Variants in GALNTL6 observed in about 807,000 individuals in gnomAD.
GALNTL6 encodes the protein polypeptide N-acetylgalactosaminyltransferase like 6, also known as polypeptide N-acetylgalactosaminyltransferase-like 6.
GALNTL6 carries 46 observed loss-of-function variants against 73.7 expected under a neutral mutation model. The observed-to-expected ratio is 0.62, with a 90% CI of 0.49 to 0.80. The LOEUF is 0.80. Among genes scored for constraint, GALNTL6 ranks in the 30% least tolerant of loss-of-function variants. GALNTL6 has a pLI of 0.00. For missense variants in GALNTL6, 604 were observed against 755.0 expected (o/e 0.80, Z 2.34); for synonymous variants, 259 against 263.7 (o/e 0.98, Z 0.17).
At chr4:172,236,879 C>T (rs1737262931) in intron 3 of GALNTL6, among the ~76,000 whole-genome samples, 2 of 152,074 alleles carry the variant, frequency 1.3e-5, no homozygotes, top group African/African-American at 4.8e-5. Flanking sequence ...TACCCTTCAT[C>T]CTCATGTAGG....
At chr4:171,991,987 C>T (rs1417228915) in intron 2 of GALNTL6, among the ~76,000 whole-genome samples, 1 of 151,788 alleles carries the variant, frequency 6.6e-6, no homozygotes, top group Non-Finnish European at 1.5e-5. Context: ...TGAAGTGTAA[C>T]TAATCAACAA....
intron 5 of GALNTL6, among the ~76,000 whole-genome samples, chr4:172,741,340 G>A (rs186661016): frequency 1.3e-5 from 2 of 152,132 alleles, no homozygotes; most frequent in African/African-American, 2.4e-5. Flanking sequence ...TGTCATTGCC[G>A]GGACAATCTC....
At chr4:172,348,457 A>G in intron 4 of GALNTL6, 66 bp from the exon 5 acceptor site, 1 of 1,288,098 alleles carries the variant, frequency 7.8e-7, no homozygotes. Flanking sequence ...ATAATGAATA[A>G]ACAACAGAAT....
intron 7 of GALNTL6, among the ~76,000 whole-genome samples, chr4:172,854,006 AT>A (rs1743983974): frequency 6.6e-6 from 1 of 152,222 alleles, no homozygotes; most frequent in Non-Finnish European, 1.5e-5. Context: ...CTCTCCAGGC[AT>A]TCAAGATCCA....
rs552155587 is a variant in GALNTL6, at chr4:172,788,375, AATAG to A, written c.554-20975_554-20972del. On this transcript the variant is annotated intron_variant, in intron 5 of 12. Transcript: ENST00000506823. ...CTAGAGCAAGACCCTATCTCTAAAA[AATAG>A]ATAGATAGATGGGCCGGGCGCGGTG... Among the ~76,000 whole-genome samples, 1,189 of 152,196 alleles carry A rather than the reference AATAG, an allele frequency of 7.8e-3. 12 individuals carry two copies. The highest frequency in any genetic ancestry group is 0.026 in the African/African-American group (1,088 of 41,492).
At chr4:172,256,479 A>AT (rs1560992662) in intron 3 of GALNTL6, among the ~76,000 whole-genome samples, 2 of 151,482 alleles carry the variant, frequency 1.3e-5, no homozygotes, top group African/African-American at 4.8e-5. Context: ...GCAAATGTGT[A>AT]TAAAATCCAA....
intron 5 of GALNTL6, among the ~76,000 whole-genome samples, chr4:172,497,995 T>TC (rs1561111918): frequency 1.4e-5 from 2 of 147,314 alleles, no homozygotes; most frequent in African/African-American, 5.0e-5. Flanking sequence ...ACATTTCTTT[T>TC]TTTTTTGTTT....
At chr4:172,178,155 C>G (rs1238482529) in intron 2 of GALNTL6, among the ~76,000 whole-genome samples, 1 of 151,900 alleles carries the variant, frequency 6.6e-6, no homozygotes, top group Non-Finnish European at 1.5e-5. Context: ...GTTTTCTCAT[C>G]TGCTAATGAG....
rs142614211 is a variant in GALNTL6 at position 171,876,520 on chromosome 4, T to C, written c.138+61802T>C. The stretch of plus-strand genomic sequence containing the variant: ...GTTAGTTTTAAGAGTTGAAGTAACG[T>C]GTTAGCAAAGTTAGTGAAATTGCAG... On this transcript the variant is annotated intron_variant, in intron 2 of 12. Coordinates refer to ENST00000506823, the MANE Select transcript of GALNTL6 (RefSeq NM_001034845.3). Among the ~76,000 whole-genome samples, 90 of 152,340 alleles carry C rather than the reference T, an allele frequency of 5.9e-4. No homozygotes were observed. In the East Asian group the frequency reaches 8.7e-3, roughly 15 times the overall value.
chr4:172,269,131 C>T (rs1011675486), intron 3 of GALNTL6, among the ~76,000 whole-genome samples: 2 of 152,114 alleles, frequency 1.3e-5, no homozygotes, highest in Admixed American at 6.6e-5. Context: ...AATAAATTGC[C>T]TGCTCACCTA....
In GALNTL6 at chr4:172,798,843, G is replaced by C. The variant is rs188231451; in HGVS notation, c.554-10518G>C. ...ATTTTTCCTCTAAAGGCTTTAGAGA[G>C]AAAAATCATAAATATACTGGTTCTT... is the stretch of plus-strand genomic sequence containing the variant. On this transcript the variant is annotated intron_variant, in intron 5 of 12. Transcript: ENST00000506823. Among the ~76,000 whole-genome samples the C allele has an allele frequency of 4.4e-4, 67 of 152,304 alleles. 1 individual carries two copies. The highest frequency in any genetic ancestry group is 2.9e-3 in the Admixed American group (44 of 15,290).
intron 3 of GALNTL6, among the ~76,000 whole-genome samples, chr4:172,267,616 G>A (rs2111049528): frequency 6.6e-6 from 1 of 152,150 alleles, no homozygotes; most frequent in South Asian, 2.1e-4. Context: ...CTGTGAATAA[G>A]GTTAACAAAT....
chr4:173,020,376 A>G (rs1279133921), intron 11 of GALNTL6, among the ~76,000 whole-genome samples: 2 of 152,228 alleles, frequency 1.3e-5, no homozygotes, highest in Non-Finnish European at 2.9e-5. Context: ...GGGATACATA[A>G]TAGAATTGGA....
chr4:172,902,973 G>A (rs899962998), intron 8 of GALNTL6, among the ~76,000 whole-genome samples: 5 of 152,072 alleles, frequency 3.3e-5, no homozygotes, highest in South Asian at 2.1e-4. Flanking sequence ...ATTCCTCATC[G>A]TCACTATTGT....
intron 5 of GALNTL6, among the ~76,000 whole-genome samples, chr4:172,644,213 TACAC>T (rs906678526): frequency 6.6e-5 from 10 of 151,930 alleles, no homozygotes; most frequent in Non-Finnish European, 1.0e-4. Context: ...TGTATGTACA[TACAC>T]ACATATACAG....
intron 7 of GALNTL6, among the ~76,000 whole-genome samples, chr4:172,844,357 T>C (rs560321221): frequency 5.9e-5 from 9 of 152,316 alleles, no homozygotes; most frequent in Admixed American, 5.9e-4. Flanking sequence ...GTGACTGCTG[T>C]TAATATCTTC....
At chr4:172,211,844 T>C (rs1736333056) in intron 2 of GALNTL6, among the ~76,000 whole-genome samples, 1 of 152,192 alleles carries the variant, frequency 6.6e-6, no homozygotes, top group Non-Finnish European at 1.5e-5. Flanking sequence ...TAAGCCTCTT[T>C]CATAAGGGTG....
chr4:172,518,517 G>A (rs1316001108), intron 5 of GALNTL6, among the ~76,000 whole-genome samples: 1 of 151,802 alleles, frequency 6.6e-6, no homozygotes, highest in Non-Finnish European at 1.5e-5. Context: ...GGATTTATGT[G>A]CCATTTCTGC....
chr4:172,475,440 A>G (rs1439531974), intron 5 of GALNTL6, among the ~76,000 whole-genome samples: 3 of 152,154 alleles, frequency 2.0e-5, no homozygotes, highest in Non-Finnish European at 4.4e-5. Context: ...TTGGCAGAAA[A>G]AAAAAAAAGC....
Sources: allele counts gnomAD v4.1 joint callset (sites outside exome capture counted in the v4.1 genomes callset), GRCh38; gene constraint gnomAD v4.1.1; transcripts MANE v1.5; gene names NCBI Gene and HGNC (gene_info 2026-07-23, HGNC 2026-07-21).